HRH2: variants seen among roughly 807,000 people sequenced by gnomAD.
HRH2 encodes histamine receptor H2.
Under a neutral mutation model 20.1 loss-of-function variants are expected in HRH2, and 4 were observed. The observed-to-expected ratio is 0.20, with a 90% CI of 0.10 to 0.45. The LOEUF (loss-of-function observed/expected upper bound fraction) is 0.45, where lower values mean the gene tolerates loss of function less well. HRH2 is among the 20% of genes least tolerant of loss of function. The pLI, the probability that HRH2 is intolerant of heterozygous loss-of-function variation, is 0.99. For missense variants in HRH2, 250 were observed against 461.6 expected, an observed-to-expected ratio of 0.54 and a Z score of 4.20; for synonymous variants, 197 against 200.7, an observed-to-expected ratio of 0.98 and a Z score of 0.16.
intron 2 of HRH2, among the ~76,000 whole-genome samples, chr5:175,696,492 TCA>T (rs10591314): frequency 0.97 from 147,541 of 152,356 alleles, 71,465 homozygotes; most frequent in East Asian, 1. Flanking sequence ...CAAGACTCCC[TCA>T]CATCTGTTAG....
intron 2 of HRH2, among the ~76,000 whole-genome samples, chr5:175,692,929 G>A (rs752408686): frequency 2.8e-4 from 42 of 152,232 alleles, no homozygotes; most frequent in South Asian, 6.2e-4. Context: ...AAGCGTGTCC[G>A]TGTCACGACT....
chr5:175,668,700 TGAG>T (rs932614177), intron 1 of HRH2, among the ~76,000 whole-genome samples: 10 of 151,838 alleles, frequency 6.6e-5, no homozygotes, highest in South Asian at 2.1e-4. Flanking sequence ...GGCTGGTCAG[TGAG>T]GAGGAGTCCA....
At chr5:175,662,634 GTCT>G (rs1466772447) in intron 1 of HRH2, among the ~76,000 whole-genome samples, 2 of 152,244 alleles carry the variant, frequency 1.3e-5, no homozygotes, top group Admixed American at 6.5e-5. Context: ...AACAAAGGTG[GTCT>G]TCTTTTTTAA....
At chr5:175,664,029 G>A (rs191134523) in intron 1 of HRH2, among the ~76,000 whole-genome samples, 1 of 152,290 alleles carries the variant, frequency 6.6e-6, no homozygotes, top group Non-Finnish European at 1.5e-5. Flanking sequence ...GAGAAGTGTG[G>A]CTGGAGCCAA....
chr5:175,698,404 C>T (rs1325895434), intron 2 of HRH2, among the ~76,000 whole-genome samples: 1 of 152,184 alleles, frequency 6.6e-6, no homozygotes, highest in Non-Finnish European at 1.5e-5. Context: ...TACTGTGTGA[C>T]CTGGGGCAGC....
intron 1 of HRH2, among the ~76,000 whole-genome samples, chr5:175,680,719 G>T (rs962288890): frequency 1.5e-4 from 23 of 152,300 alleles, no homozygotes; most frequent in Admixed American, 5.2e-4. Context: ...GGGAGGGAGA[G>T]AGAGCGCCGT....
chr5:175,707,088 A>C (rs1382226223), intron 2 of HRH2, among the ~76,000 whole-genome samples: 1 of 152,170 alleles, frequency 6.6e-6, no homozygotes, highest in Non-Finnish European at 1.5e-5. Flanking sequence ...GTGTGTGCTT[A>C]CTTTTATATG....
At chr5:175,676,036 C>G (rs1378489021) in intron 1 of HRH2, among the ~76,000 whole-genome samples, 4 of 152,200 alleles carry the variant, frequency 2.6e-5, no homozygotes, top group Non-Finnish European at 4.4e-5. Context: ...GCATATCACA[C>G]TCAGCATCGG....
Position 175,683,112 on chromosome 5 carries a change from A to AAAAAAC in HRH2, c.-122_-121insAAAAAC. The AAAAAAC allele has an allele frequency of 8.3e-7, 1 of 1,207,488 alleles. No individual in the cohort carries two copies. The highest frequency in any genetic ancestry group is 1.6e-5 in the South Asian group (1 of 62,720). The allele number at this position is 1,207,488 out of a possible 1,614,324, so 74.8% of individuals were successfully genotyped here. A position where few individuals can be genotyped will look rare whatever the true frequency, so the allele number is the denominator to read the frequency against. ...TGGCCAAAAAAAAAAAAAAAAAAAA[A>AAAAAAC]CTGGACACATTTTGGATCTGTTGGG... On this transcript the variant is annotated 5_prime_UTR_variant, in exon 2 of 3. Coordinates refer to ENST00000636584, the MANE Select transcript of HRH2 (RefSeq NM_001367711.1).
At chr5:175,689,371 C>G (rs1263479347) in intron 2 of HRH2, among the ~76,000 whole-genome samples, 1 of 151,824 alleles carries the variant, frequency 6.6e-6, no homozygotes, top group Non-Finnish European at 1.5e-5. Context: ...GTCTGCTCCC[C>G]CTAGATCATA....
At chr5:175,704,625 A>T (rs889221481) in intron 2 of HRH2, among the ~76,000 whole-genome samples, 1 of 152,178 alleles carries the variant, frequency 6.6e-6, no homozygotes, top group African/African-American at 2.4e-5. Context: ...ATTTAAAAAA[A>T]TAAGGGGGAG....
intron 2 of HRH2, among the ~76,000 whole-genome samples, chr5:175,702,761 G>A (rs1756829265): frequency 1.3e-5 from 2 of 149,318 alleles, no homozygotes; most frequent in African/African-American, 2.5e-5. Context: ...GTAGAGATGG[G>A]GTTTCACCAT....
chr5:175,697,462 CAAA>C (rs60466733), intron 2 of HRH2, among the ~76,000 whole-genome samples: 59 of 82,572 alleles, frequency 7.1e-4, no homozygotes, highest in African/African-American at 2.0e-3. Context: ...GACTCCGTCT[CAAA>C]AAAAAAAAAA....
In HRH2 at chr5:175,683,621, G is replaced by T; in HGVS notation, c.388G>T (p.Val130Phe). The change falls in exon 2 of 3, where the codon GTC (valine) becomes TTC (phenylalanine). Residue 130 changes from valine to phenylalanine, a missense_variant. Transcript: ENST00000636584. Reference protein sequence around the residue: ...VMDPLRYPVLVTPVRVAISLV... With the variant: ...VMDPLRYPVLFTPVRVAISLV... Reference sequence around the variant, plus strand: ...GGACCCACTGCGGTACCCTGTGCTGGTCACCCCAGTTCGGGTCGCCATCTC... The same window carrying T: ...GGACCCACTGCGGTACCCTGTGCTGTTCACCCCAGTTCGGGTCGCCATCTC... The T allele has an allele frequency of 6.2e-7, 1 of 1,614,176 alleles. No individual in the cohort carries two copies. The highest frequency in any genetic ancestry group is 8.5e-7 in the Non-Finnish European group (1 of 1,180,046).
intron 2 of HRH2, among the ~76,000 whole-genome samples, chr5:175,701,362 T>C (rs1340858781): frequency 1.3e-5 from 2 of 152,134 alleles, no homozygotes; most frequent in Non-Finnish European, 2.9e-5. Flanking sequence ...GTTTGGGAGA[T>C]AGGTAACTGA....
In HRH2 at chr5:175,687,194, G is replaced by A. The variant is rs1756202008; in HGVS notation, c.1076+2885G>A. On this transcript the variant is annotated intron_variant, in intron 2 of 2. Transcript: ENST00000636584. The surrounding 1 kb of genome is among the most constrained non-coding windows in gnomAD (Gnocchi z 5.2). The stretch of plus-strand genomic sequence containing the variant: ...CCACACTGTGGTTGAGGGCATGGAG[G>A]GCGGAGGGAGCCAAGAACAGCCAGA... Among the ~76,000 whole-genome samples the A allele has an allele frequency of 6.6e-6, 1 of 152,200 alleles. No homozygotes were observed. The highest frequency in any genetic ancestry group is 2.4e-5 in the African/African-American group (1 of 41,468).
rs1756189355 is a variant in HRH2, at chr5:175,686,826, T to G, written c.1076+2517T>G. Among the ~76,000 whole-genome samples the G allele has an allele frequency of 6.6e-6, 1 of 152,164 alleles. No homozygotes were observed. Among genetic ancestry groups the G allele is most frequent in the Non-Finnish European group, 1.5e-5 (1 of 68,026 alleles). On this transcript the variant is annotated intron_variant, in intron 2 of 2. Transcript: ENST00000636584. This position sits in a 1 kb window ranked among gnomAD's most constrained non-coding sequence, Gnocchi z 4.7. ...AAAACTGAGGCACACAGAAGTCAAG[T>G]AAACTGCCCCAAGGGATACAACCCA... is the stretch of plus-strand genomic sequence containing the variant.
chr5:175,677,955 G>T lies in HRH2; in HGVS notation c.-525-4754G>T, dbSNP rs1039594681. Among the ~76,000 whole-genome samples the T allele has an allele frequency of 6.6e-6, 1 of 152,136 alleles. No individual in the cohort carries two copies. Among genetic ancestry groups the T allele is most frequent in the Non-Finnish European group, 1.5e-5 (1 of 68,024 alleles). On this transcript the variant is annotated intron_variant, in intron 1 of 2. Transcript: ENST00000636584. The surrounding 1 kb of genome is among the most constrained non-coding windows in gnomAD (Gnocchi z 4.2). ...AACCCACCATCTTTCTCCTCCAAAC[G>T]TTCACCGTGGCTGTTCTCTCTGGAA...
intron 1 of HRH2, among the ~76,000 whole-genome samples, chr5:175,673,862 G>T (rs575897254): frequency 2.0e-5 from 3 of 151,758 alleles, no homozygotes; most frequent in Admixed American, 6.6e-5. Flanking sequence ...CCGCCACCAC[G>T]CCCTGCTAAT....
Sources: gnomAD v4.1 joint callset for allele counts (sites outside exome capture counted in the v4.1 genomes callset) on GRCh38, gnomAD v4.1.1 for gene constraint, Gnocchi (gnomAD v3.1) non-coding constraint, MANE v1.5 for transcripts, NCBI Gene and HGNC (gene_info 2026-07-23, HGNC 2026-07-21) for gene names.